THSD4: variants seen among roughly 807,000 people sequenced by gnomAD.
THSD4 encodes the protein thrombospondin type 1 domain containing 4.
A neutral mutation model predicts 119.0 loss-of-function variants in THSD4; 69 were observed. The ratio of observed to expected loss-of-function variants is 0.58; its 90% confidence interval spans 0.48 to 0.71. The LOEUF (loss-of-function observed/expected upper bound fraction) is 0.71. Ranked by LOEUF, THSD4 falls within the 30% of genes least tolerant of loss-of-function variation. The pLI is 0.00. For missense variants in THSD4, 1,393 were observed against 1,391.1 expected (o/e 1.00, Z -0.02); for synonymous variants, 524 against 540.4 (o/e 0.97, Z 0.42).
chr15:71,329,792 TG>T (rs2045398485), intron 6 of THSD4, among the ~76,000 whole-genome samples: 1 of 152,172 alleles, frequency 6.6e-6, no homozygotes, highest in African/African-American at 2.4e-5. Flanking sequence ...GTTCCATTAT[TG>T]CTATGGGCTG....
In THSD4 at chr15:71,377,577, T is replaced by C. The variant is rs531325397; in HGVS notation, c.1016-34110T>C. ...GAGGACATTGAAGAGAAGGTGGTCG[T>C]CTGCAGTGTTAGTGCTACAGGGAGG... On this transcript the variant is annotated intron_variant, in intron 6 of 17. Transcript: ENST00000261862. Among the ~76,000 whole-genome samples the C allele has an allele frequency of 2.0e-5, 3 of 152,050 alleles. No individual in the cohort carries two copies. In the East Asian group the frequency reaches 5.8e-4, roughly 29 times the overall value.
intron 6 of THSD4, among the ~76,000 whole-genome samples, chr15:71,387,395 G>A (rs961938771): frequency 2.0e-5 from 3 of 152,182 alleles, no homozygotes; most frequent in East Asian, 1.9e-4. Flanking sequence ...GACAGACAAC[G>A]TGCCTTGAGA....
rs2040723446 is a variant in THSD4, at chr15:71,151,626, A to G, written c.30-3237A>G. Among the ~76,000 whole-genome samples the G allele has an allele frequency of 2.6e-5, 4 of 152,194 alleles. No homozygotes were observed. In the South Asian group the frequency reaches 6.2e-4, roughly 24 times the overall value. ...CATGGACTTGTGAGTTGTGATGCAC[A>G]TGTTCTTGATTTAGAGGTCAAATTG... On this transcript the variant is annotated intron_variant, in intron 2 of 17. Coordinates refer to ENST00000261862, the MANE Select transcript of THSD4 (RefSeq NM_024817.3).
chr15:71,621,093 G>T (rs1273592940), intron 7 of THSD4, among the ~76,000 whole-genome samples: 1 of 152,040 alleles, frequency 6.6e-6, no homozygotes, highest in Admixed American at 6.6e-5. Context: ...AAGTACCATG[G>T]ATTATCAATT....
intron 7 of THSD4, among the ~76,000 whole-genome samples, chr15:71,430,840 A>C (rs535780647): frequency 6.6e-6 from 1 of 151,394 alleles, no homozygotes; most frequent in Non-Finnish European, 1.5e-5. Context: ...TATGTAAGGT[A>C]CTAGGCCAGT....
intron 7 of THSD4, among the ~76,000 whole-genome samples, chr15:71,631,421 A>G (rs1217969442): frequency 1.3e-5 from 2 of 152,146 alleles, no homozygotes; most frequent in Non-Finnish European, 2.9e-5. Flanking sequence ...GAGAATGACA[A>G]ACACCCTCAC....
upstream of THSD4, chr15:71,111,158 C>T (rs773955339): frequency 6.2e-7 from 1 of 1,610,080 alleles, no homozygotes; most frequent in South Asian, 1.1e-5. Flanking sequence ...TTCCTATCTC[C>T]TCTGACCAGA....
At chr15:71,214,414 G>C (rs1659893633) in intron 3 of THSD4, among the ~76,000 whole-genome samples, 1 of 152,248 alleles carries the variant, frequency 6.6e-6, no homozygotes, top group Admixed American at 6.5e-5. Context: ...CAACAGCGAA[G>C]GTCTGCGGCT....
At chr15:71,728,505 A>C (rs760582456) in intron 8 of THSD4, 44 bp from the exon 9 acceptor site, 2 of 1,600,618 alleles carry the variant, frequency 1.2e-6, no homozygotes, top group Admixed American at 1.7e-5. Context: ...TTTCTTGTGC[A>C]CACCCTGGGC....
chr15:71,300,773 G>T (rs371469992), intron 6 of THSD4, among the ~76,000 whole-genome samples: 1 of 152,180 alleles, frequency 6.6e-6, no homozygotes, highest in African/African-American at 2.4e-5. Context: ...TTAAGTTCCA[G>T]ATTAAGAAAT....
In THSD4 at chr15:71,392,465, C is replaced by G. The variant is rs551327166; in HGVS notation, c.1016-19222C>G. Among the ~76,000 whole-genome samples, 74 of 152,336 alleles carry G rather than the reference C, an allele frequency of 4.9e-4. 1 individual carries two copies. The South Asian group carries it at 7.0e-3, about 15-fold the overall frequency. On this transcript the variant is annotated intron_variant, in intron 6 of 17. Transcript: ENST00000261862. ...CACAAGCTTATTAAGTAGAAGAACT[C>G]AGATTCAAACCCAGGTAAGGACTAT...
intron 7 of THSD4, among the ~76,000 whole-genome samples, chr15:71,521,790 A>G (rs1209959733): frequency 6.6e-6 from 1 of 152,240 alleles, no homozygotes; most frequent in Non-Finnish European, 1.5e-5. Flanking sequence ...AGTTACGAGT[A>G]ATAGACATGT....
At chr15:71,730,991 C>G (rs1253446608) in intron 9 of THSD4, 130 bp from the exon 10 acceptor site, 13 of 742,806 alleles carry the variant, frequency 1.8e-5, no homozygotes, top group Non-Finnish European at 2.8e-5. Context: ...CACAGGTTCA[C>G]TGATATTACT....
chr15:71,221,317 A>G (rs2043974318), intron 4 of THSD4, among the ~76,000 whole-genome samples: 1 of 152,338 alleles, frequency 6.6e-6, no homozygotes, highest in Middle Eastern at 3.4e-3. Context: ...ATTTTTAAGC[A>G]TATGGTTCAG....
chr15:71,420,477 A>T (rs2046795364), intron 7 of THSD4, among the ~76,000 whole-genome samples: 1 of 104,306 alleles, frequency 9.6e-6, no homozygotes. Flanking sequence ...ATTCAATGTT[A>T]TTATTGATAG....
intron 3 of THSD4, among the ~76,000 whole-genome samples, chr15:71,190,891 T>A (rs1172476101): frequency 6.6e-6 from 1 of 151,866 alleles, no homozygotes; most frequent in East Asian, 1.9e-4. Flanking sequence ...GCCCCATGGT[T>A]TTCCTCTCTG....
intron 3 of THSD4, among the ~76,000 whole-genome samples, chr15:71,155,606 A>G (rs1178937726): frequency 1.3e-5 from 2 of 152,148 alleles, no homozygotes; most frequent in Non-Finnish European, 2.9e-5. Flanking sequence ...CTACAAAGGC[A>G]TGGGCAGGGC....
At chr15:71,365,910 G>T (rs1230819543) in intron 6 of THSD4, among the ~76,000 whole-genome samples, 1 of 152,142 alleles carries the variant, frequency 6.6e-6, no homozygotes. Context: ...GTTACTAAAA[G>T]TATCCATCTA....
At chr15:71,561,395 T>C (rs974421892) in intron 7 of THSD4, among the ~76,000 whole-genome samples, 2 of 152,344 alleles carry the variant, frequency 1.3e-5, no homozygotes, top group East Asian at 3.9e-4. Flanking sequence ...GCTATCACCA[T>C]TATTAAAAAA....
Sources: gnomAD v4.1 joint callset for allele counts (sites outside exome capture counted in the v4.1 genomes callset) on GRCh38, gnomAD v4.1.1 for gene constraint, MANE v1.5 for transcripts, NCBI Gene and HGNC (gene_info 2026-07-23, HGNC 2026-07-21) for gene names.